The following MAN2A1 variants were observed in gnomAD, a reference collection of about 807,000 sequenced individuals.
The protein encoded by MAN2A1 is mannosidase alpha class 2A member 1.
A neutral mutation model predicts 142.6 loss-of-function variants in MAN2A1; 76 were observed. The ratio of observed to expected loss-of-function variants is 0.53; its 90% CI spans 0.44 to 0.65. MAN2A1 has a LOEUF of 0.65. Ranked by LOEUF, MAN2A1 falls within the 30% of genes least tolerant of loss-of-function variation. The pLI, the probability that MAN2A1 is intolerant of heterozygous loss-of-function variation, is 0.00. For synonymous variants in MAN2A1, 559 were observed against 473.2 expected (o/e 1.18, Z -2.35); for missense variants, 1,311 against 1,365.1 (o/e 0.96, Z 0.62).
intron 18 of MAN2A1, among the ~76,000 whole-genome samples, chr5:109,846,257 A>G (rs1026063056): frequency 2.0e-5 from 3 of 152,234 alleles, no homozygotes; most frequent in African/African-American, 7.2e-5. Context: ...TTTTAAAGAT[A>G]ATTTGCTTCT....
intron 12 of MAN2A1, among the ~76,000 whole-genome samples, chr5:109,805,010 A>C (rs1375285612): frequency 3.9e-5 from 6 of 152,186 alleles, no homozygotes; most frequent in African/African-American, 1.4e-4. Flanking sequence ...ATTGAACATC[A>C]TTCCTTATGC....
intron 4 of MAN2A1, among the ~76,000 whole-genome samples, chr5:109,743,139 C>T (rs1436930848): frequency 2.0e-5 from 3 of 152,154 alleles, no homozygotes; most frequent in Admixed American, 6.6e-5. Flanking sequence ...CTTTCACTTT[C>T]GGGTCTATTC....
At chr5:109,778,470 C>T (rs1265718755) in intron 8 of MAN2A1, among the ~76,000 whole-genome samples, 1 of 152,014 alleles carries the variant, frequency 6.6e-6, no homozygotes, top group South Asian at 2.1e-4. Flanking sequence ...ATAATGTTTG[C>T]TGTAGAATTT....
chr5:109,711,273 T>C (rs1310063698), intron 1 of MAN2A1, among the ~76,000 whole-genome samples: 2 of 152,234 alleles, frequency 1.3e-5, no homozygotes, highest in African/African-American at 2.4e-5. Context: ...GATTTACCAT[T>C]ACCTGCTGTG....
chr5:109,735,562 A>T (rs1244950709), intron 4 of MAN2A1, among the ~76,000 whole-genome samples: 1 of 151,858 alleles, frequency 6.6e-6, no homozygotes, highest in Non-Finnish European at 1.5e-5. Context: ...ACTGTCTGGC[A>T]CTCTCTAGTG....
intron 1 of MAN2A1, among the ~76,000 whole-genome samples, chr5:109,710,011 T>G (rs1256787040): frequency 6.6e-6 from 1 of 152,228 alleles, no homozygotes; most frequent in East Asian, 1.9e-4. Context: ...TGTACAGAAT[T>G]TGCTTATGAG....
At chr5:109,759,602 G>C (rs961937447) in intron 5 of MAN2A1, among the ~76,000 whole-genome samples, 2 of 152,076 alleles carry the variant, frequency 1.3e-5, no homozygotes, top group African/African-American at 4.8e-5. Context: ...CCTTCTCTTG[G>C]AGTGAAATGT....
At chr5:109,761,482 C>T (rs1384854667) in intron 5 of MAN2A1, among the ~76,000 whole-genome samples, 7 of 151,876 alleles carry the variant, frequency 4.6e-5, no homozygotes, top group Non-Finnish European at 7.4e-5. Flanking sequence ...TATGGTTTTT[C>T]TCATGTTTCC....
chr5:109,851,797 G>A (rs1432805), intron 19 of MAN2A1, among the ~76,000 whole-genome samples: 85,143 of 151,898 alleles, frequency 0.56, 24,307 homozygotes, highest in East Asian at 0.91. Flanking sequence ...AAGTGTTCAA[G>A]TGTTAAAATT....
In MAN2A1 at chr5:109,703,942, A is replaced by G. The variant is rs144994354; in HGVS notation, c.136-9578A>G. 6.7e-4 allele frequency among the ~76,000 whole-genome samples: 102 copies of G among 152,300 alleles called. 3 individuals are homozygous for G. The East Asian group carries it at 0.015, about 22-fold the overall frequency. On this transcript the variant is annotated intron_variant, in intron 1 of 21. Transcript: ENST00000261483. ...AGATAGGGCCATATGGTTCTAATCT[A>G]AACATACATCTGGAAACTCATAGGG... is the stretch of plus-strand genomic sequence containing the variant.
At chr5:109,836,130 A>G (rs1173567982) in intron 16 of MAN2A1, among the ~76,000 whole-genome samples, 1 of 150,222 alleles carries the variant, frequency 6.7e-6, no homozygotes, top group African/African-American at 2.5e-5. Flanking sequence ...TATTTTTGCG[A>G]TGGAGTCCCA....
intron 12 of MAN2A1, among the ~76,000 whole-genome samples, chr5:109,799,839 G>A (rs1753968685): frequency 6.6e-6 from 1 of 151,626 alleles, no homozygotes; most frequent in Non-Finnish European, 1.5e-5. Context: ...TATAATCCCA[G>A]CACTTTGGGA....
chr5:109,776,217 A>G (rs940874059), intron 8 of MAN2A1, among the ~76,000 whole-genome samples: 8 of 152,140 alleles, frequency 5.3e-5, no homozygotes, highest in Non-Finnish European at 1.0e-4. Flanking sequence ...ACTGTTTAGG[A>G]AATTTGAAAG....
chr5:109,741,599 A>G (rs965281702), intron 4 of MAN2A1, among the ~76,000 whole-genome samples: 2 of 152,200 alleles, frequency 1.3e-5, no homozygotes, highest in African/African-American at 4.8e-5. Context: ...ATTCCAGCAG[A>G]GTTCCACGTA....
At chr5:109,837,229 A>G (rs763228505) in intron 16 of MAN2A1, among the ~76,000 whole-genome samples, 5 of 151,002 alleles carry the variant, frequency 3.3e-5, no homozygotes, top group Non-Finnish European at 4.4e-5. Context: ...TTAAATATGT[A>G]TTACTTTCTT....
intron 1 of MAN2A1, among the ~76,000 whole-genome samples, chr5:109,697,127 G>T (rs976174182): frequency 6.6e-6 from 1 of 152,196 alleles, no homozygotes; most frequent in Non-Finnish European, 1.5e-5. Context: ...ATTCCTCTTA[G>T]CATAGGAAGA....
At chr5:109,690,574 G>A in intron 1 of MAN2A1, 22 bp downstream of exon 1, 1 of 1,571,948 alleles carries the variant, frequency 6.4e-7, no homozygotes, top group Non-Finnish European at 8.6e-7. Flanking sequence ...GGAAGGGGGC[G>A]CGGGGCTCCG....
chr5:109,828,642 GTGTT>G, intron 16 of MAN2A1, among the ~76,000 whole-genome samples: 1 of 152,316 alleles, frequency 6.6e-6, no homozygotes, highest in South Asian at 2.1e-4. Context: ...TCCTAGGCAG[GTGTT>G]TGTTAGCGAG....
intron 4 of MAN2A1, among the ~76,000 whole-genome samples, chr5:109,737,684 G>A (rs1423278993): frequency 6.6e-6 from 1 of 152,118 alleles, no homozygotes; most frequent in Non-Finnish European, 1.5e-5. Context: ...TATCGTTAGA[G>A]TGTAGCACTC....
Sources: gnomAD v4.1 joint callset for allele counts (sites outside exome capture counted in the v4.1 genomes callset) on GRCh38, gnomAD v4.1.1 for gene constraint, MANE v1.5 for transcripts, NCBI Gene and HGNC (gene_info 2026-07-23, HGNC 2026-07-21) for gene names.